The following KCNQ4 variants were observed in gnomAD, a reference collection of about 807,000 sequenced individuals.
KCNQ4 encodes potassium voltage-gated channel subfamily KQT member 4.
In KCNQ4, 31 loss-of-function variants were observed where a neutral mutation model predicts 72.6. That is an observed-to-expected ratio of 0.43 (90% CI 0.32 to 0.58). The LOEUF is 0.58. KCNQ4 is among the 20% of genes least tolerant of loss of function. The pLI, the probability that KCNQ4 is intolerant of heterozygous loss-of-function variation, is 0.08. For synonymous variants in KCNQ4, 405 were observed against 403.7 expected (o/e 1.00, Z -0.04); for missense variants, 869 against 962.6 (o/e 0.90, Z 1.29).
chr1:40,785,843 G>A (rs11208906), intron 1 of KCNQ4, among the ~76,000 whole-genome samples: 4 of 151,892 alleles, frequency 2.6e-5, no homozygotes, highest in East Asian at 1.9e-4. Context: ...GGAGGGGCAG[G>A]GGGGGAAGAC....
intron 1 of KCNQ4, among the ~76,000 whole-genome samples, chr1:40,798,364 C>G (rs1647475968): frequency 6.6e-6 from 1 of 152,228 alleles, no homozygotes; most frequent in Non-Finnish European, 1.5e-5. Flanking sequence ...CGAGCCTTAG[C>G]TCGAGGTCCA....
rs138553597 is a variant in KCNQ4, at chr1:40,799,159, C to G, written c.314+14752C>G. 6.3e-3 allele frequency among the ~76,000 whole-genome samples: 966 copies of G among 152,380 alleles called. 6 individuals carry two copies. Among genetic ancestry groups the G allele is most frequent in the Non-Finnish European group, 0.01 (709 of 68,040 alleles). ...CAGTTCCTCTGCTTGGGGCCTTCCC[C>G]TGTCCTGCTTCTGCTCCCCACCCTC... is the stretch of plus-strand genomic sequence containing the variant. On this transcript the variant is annotated intron_variant, in intron 1 of 13. Coordinates refer to ENST00000347132, the MANE Select transcript of KCNQ4 (RefSeq NM_004700.4).
intron 1 of KCNQ4, among the ~76,000 whole-genome samples, chr1:40,799,293 G>A (rs950367727): frequency 6.6e-6 from 1 of 152,240 alleles, no homozygotes; most frequent in Non-Finnish European, 1.5e-5. Context: ...GGCGATGTCA[G>A]GGAGGTTTAG....
rs369876991 is a variant in KCNQ4, at chr1:40,784,417, C to T, written c.314+10C>T. Reference sequence around the variant, plus strand: ...TCTACCACGTCTTCATGTGAGTTTGCGACCCCGCGCCCTTCCGCGTTTCCC... The same window carrying T: ...TCTACCACGTCTTCATGTGAGTTTGTGACCCCGCGCCCTTCCGCGTTTCCC... On this transcript the variant is annotated intron_variant, in intron 1 of 13. Coordinates refer to ENST00000347132, the MANE Select transcript of KCNQ4 (RefSeq NM_004700.4). The surrounding 1 kb of genome is among the most constrained non-coding windows in gnomAD (Gnocchi z 4.1). 5.6e-6 allele frequency: 9 copies of T among 1,605,244 alleles called. No homozygotes were observed. In the African/African-American group the frequency reaches 9.4e-5, roughly 17 times the overall value.
chr1:40,832,233 G>A (rs2148330632), intron 10 of KCNQ4, among the ~76,000 whole-genome samples: 1 of 152,342 alleles, frequency 6.6e-6, no homozygotes, highest in Non-Finnish European at 1.5e-5. Flanking sequence ...CAAGGATGGG[G>A]GATGGGGACA....
rs1392206315 is a variant in KCNQ4, at chr1:40,818,510, A to T, written c.538A>T (p.Ile180Phe). Residue 180 changes from isoleucine to phenylalanine, a missense_variant, in exon 4 of 14, where the codon ATC (isoleucine) becomes TTC (phenylalanine). Ile to Phe is a conservative substitution (Grantham distance 21, BLOSUM62 0). Around this residue, in one of 5 missense-constraint regions of KCNQ4, gnomAD observed 179 missense variants for 243.0 expected, o/e 0.74. Coordinates refer to ENST00000347132, the MANE Select transcript of KCNQ4 (RefSeq NM_004700.4). ...CGCCGCCCCCGCCCCTGCAGACTTC[A>T]TCGTGTTCGTGGCCTCGGTGGCCGT... The part of the protein sequence containing the change: ...ARKPFCVIDF[I>F]VFVASVAVIA... The T allele has an allele frequency of 6.2e-7, 1 of 1,600,556 alleles. No individual in the cohort carries two copies. The highest frequency in any genetic ancestry group is 1.7e-5 in the Admixed American group (1 of 59,940).
rs1184998996 is a variant in KCNQ4 at position 40,784,661 on chromosome 1, C to T, written c.314+254C>T. 6.6e-6 allele frequency among the ~76,000 whole-genome samples: 1 copy of T among 152,182 alleles called. No individual in the cohort carries two copies. Among genetic ancestry groups the T allele is most frequent in the Non-Finnish European group, 1.5e-5 (1 of 68,024 alleles). ...CGCAACTGCTTATTTCCATCCTGAC[C>T]GCCAATCTCTGCTCCTCTGTCCCAG... On this transcript the variant is annotated intron_variant, in intron 1 of 13. Coordinates refer to ENST00000347132, the MANE Select transcript of KCNQ4 (RefSeq NM_004700.4). This position sits in a 1 kb window ranked among gnomAD's most constrained non-coding sequence, Gnocchi z 4.1.
At chr1:40,825,020 G>A (rs886123918) in intron 9 of KCNQ4, among the ~76,000 whole-genome samples, 2 of 152,162 alleles carry the variant, frequency 1.3e-5, no homozygotes, top group Non-Finnish European at 2.9e-5. Flanking sequence ...CCACATAAAC[G>A]TTCCTAAAGA....
Position 40,820,031 on chromosome 1 carries a change from C to A in KCNQ4, c.945+46C>A, listed in dbSNP as rs781198273. On this transcript the variant is annotated intron_variant, in intron 6 of 13. Coordinates refer to ENST00000347132, the MANE Select transcript of KCNQ4 (RefSeq NM_004700.4). ...TTGGTGGGGGAGGCTGAGGGTGGGA[C>A]CTGCTCACCCCTGTCACACATTTGC... 18 of 1,543,930 alleles carry A rather than the reference C, an allele frequency of 1.2e-5. No individual in the cohort carries two copies. In the African/African-American group the frequency reaches 2.4e-4, roughly 21 times the overall value.
At chr1:40,800,245 T>C (rs1206114023) in intron 1 of KCNQ4, among the ~76,000 whole-genome samples, 1 of 151,838 alleles carries the variant, frequency 6.6e-6, no homozygotes, top group South Asian at 2.1e-4. Context: ...CAGGGAGGGA[T>C]GGGCCCAGTG....
At chr1:40,822,812 G>A (rs963454711) in intron 8 of KCNQ4, among the ~76,000 whole-genome samples, 2 of 152,200 alleles carry the variant, frequency 1.3e-5, no homozygotes, top group Non-Finnish European at 2.9e-5. Context: ...ATGTGTTCCA[G>A]ACTTAGGTGC....
At position 40,817,238 on chromosome 1, in the gene KCNQ4, A is replaced by C; in HGVS notation, c.315-27A>C. On this transcript the variant is annotated intron_variant, in intron 1 of 13. Coordinates refer to ENST00000347132, the MANE Select transcript of KCNQ4 (RefSeq NM_004700.4). This position sits in a 1 kb window ranked among gnomAD's most constrained non-coding sequence, Gnocchi z 5.5. ...GCTGTCCTGTCCCTCCAACAATCTA[A>C]CCCTCTCCCTCATGTTGTAATTGCA... is the stretch of plus-strand genomic sequence containing the variant. The C allele has an allele frequency of 1.3e-6, 2 of 1,553,314 alleles. No individual in the cohort carries two copies. The highest frequency in any genetic ancestry group is 1.8e-6 in the Non-Finnish European group (2 of 1,125,666).
intron 4 of KCNQ4, chr1:40,819,080 C>T (rs1451839046): frequency 3.9e-6 from 2 of 516,352 alleles, no homozygotes; most frequent in Non-Finnish European, 7.1e-6. Context: ...GCAAGGTAGG[C>T]CGGGTGCTGG....
chr1:40,831,260 G>A lies in KCNQ4; in HGVS notation c.1469G>A (p.Arg490His), dbSNP rs772518738. The A allele has an allele frequency of 1.7e-5, 28 of 1,607,310 alleles. No homozygotes were observed. Among genetic ancestry groups the A allele is most frequent in the South Asian group, 8.9e-5 (8 of 89,626 alleles). The change falls in exon 10 of 14, where the codon CGC becomes CAC. Residue 490 changes from arginine (R) to histidine (H), a missense_variant. By Grantham distance (29) the Arg-to-His change is conservative. This residue lies in a region of KCNQ4 where 480 missense variants were observed against 501.9 expected (regional missense o/e 0.96). Transcript: ENST00000347132. ...QKSWSFNDRT[R>H]FRASLRLKPR... ...AGCTGGAGCTTCAATGACCGCACCC[G>A]CTTCCGGGCATCTCTGAGACTCAAA...
Position 40,839,032 on chromosome 1 carries a change from T to C in KCNQ4, c.*509T>C, listed in dbSNP as rs911674484. 1 of 195,430 alleles carries C rather than the reference T, an allele frequency of 5.1e-6. No homozygotes were observed. The highest frequency in any genetic ancestry group is 2.3e-5 in the African/African-American group (1 of 42,832). 12.1% of individuals were successfully genotyped at this position (195,430 alleles called of 1,614,324 possible). A position where few individuals can be genotyped will look rare whatever the true frequency, so the allele number is the denominator to read the frequency against. Reference sequence around the variant, plus strand: ...CCTGCCACAAGGCAGGTGGACACCATATATGCAAACCATGTTAAATATGCA... The same window carrying C: ...CCTGCCACAAGGCAGGTGGACACCACATATGCAAACCATGTTAAATATGCA... On this transcript the variant is annotated 3_prime_UTR_variant, in exon 14 of 14. Transcript: ENST00000347132.
chr1:40,833,541 C>T (rs1570851434), intron 11 of KCNQ4, among the ~76,000 whole-genome samples: 1 of 152,198 alleles, frequency 6.6e-6, no homozygotes, highest in South Asian at 2.1e-4. Flanking sequence ...AGGCATGGAT[C>T]TGGCCTCCAA....
At chr1:40,790,311 T>C (rs1647256359) in intron 1 of KCNQ4, among the ~76,000 whole-genome samples, 1 of 152,232 alleles carries the variant, frequency 6.6e-6, no homozygotes, top group African/African-American at 2.4e-5. Context: ...CTGTTAGCCA[T>C]GATCATCGTT....
chr1:40,818,561 A>T lies in KCNQ4; in HGVS notation c.589A>T (p.Ile197Phe), dbSNP rs776623615. Residue 197 changes from isoleucine (I) to phenylalanine (F), a missense_variant, in exon 4 of 14, where the codon ATC becomes TTC. Ile to Phe is a conservative substitution (Grantham distance 21). Around this residue, in one of 5 missense-constraint regions of KCNQ4, gnomAD observed 179 missense variants for 243.0 expected, o/e 0.74. Coordinates refer to ENST00000347132, the MANE Select transcript of KCNQ4 (RefSeq NM_004700.4). ...AVIAAGTQGN[I>F]FATSALRSMR... ...CATCGCCGCGGGTACCCAGGGCAAC[A>T]TCTTCGCCACGTCCGCGCTGCGCAG... 4 of 1,604,062 alleles carry T rather than the reference A, an allele frequency of 2.5e-6. No homozygotes were observed. The highest frequency in any genetic ancestry group is 3.4e-6 in the Non-Finnish European group (4 of 1,179,780).
chr1:40,799,697 T>G (rs981904249), intron 1 of KCNQ4, among the ~76,000 whole-genome samples: 1 of 152,148 alleles, frequency 6.6e-6, no homozygotes, highest in African/African-American at 2.4e-5. Flanking sequence ...TAGGTCTTAT[T>G]GATCAGAAAC....
Sources: allele counts gnomAD v4.1 joint callset (sites outside exome capture counted in the v4.1 genomes callset), GRCh38; gene constraint gnomAD v4.1.1; regional missense constraint gnomAD v4.1.1; non-coding constraint Gnocchi (gnomAD v3.1); transcripts MANE v1.5; gene names NCBI Gene and HGNC (gene_info 2026-07-23, HGNC 2026-07-21).